Variants in PKIB observed in about 807,000 individuals in gnomAD.
PKIB encodes PKI-beta.
In PKIB, 2 loss-of-function variants were observed where a neutral mutation model predicts 4.5. The ratio of observed to expected loss-of-function variants is 0.44; its 90% CI spans 0.18 to 1.39. The LOEUF (loss-of-function observed/expected upper bound fraction) is 1.39, where lower values mean the gene tolerates loss of function less well. Ranked by LOEUF, PKIB falls within the 40% of genes most tolerant of loss-of-function variation. The pLI is 0.27. For missense variants in PKIB, 94 were observed against 92.6 expected (o/e 1.02, Z -0.06); for synonymous variants, 38 against 36.0 (o/e 1.06, Z -0.20).
chr6:122,520,661 T>TTCTCTC (rs1562237597), intron 2 of PKIB, among the ~76,000 whole-genome samples: 1 of 55,540 alleles, frequency 1.8e-5, no homozygotes, highest in Non-Finnish European at 3.8e-5. Context: ...AAGTTTATGT[T>TTCTCTC]CCCACCCCCC....
chr6:122,601,433 C>T (rs1018998524), intron 3 of PKIB, among the ~76,000 whole-genome samples: 1 of 152,110 alleles, frequency 6.6e-6, no homozygotes, highest in African/African-American at 2.4e-5. Flanking sequence ...GGAAAAATAA[C>T]CTCTCACCCT....
chr6:122,668,986 G>A (rs546886670), intron 2 of PKIB, among the ~76,000 whole-genome samples: 19 of 152,254 alleles, frequency 1.2e-4, no homozygotes, highest in Admixed American at 2.6e-4. Context: ...AGACTAAGGT[G>A]GGAGGATTGC....
intron 2 of PKIB, among the ~76,000 whole-genome samples, chr6:122,541,678 G>A (rs1213610837): frequency 2.0e-5 from 3 of 151,632 alleles, no homozygotes; most frequent in African/African-American, 4.9e-5. Context: ...TGCTCTTCTC[G>A]AGGAGTATCT....
intron 2 of PKIB, among the ~76,000 whole-genome samples, chr6:122,536,491 C>A (rs937061787): frequency 1.3e-5 from 2 of 152,028 alleles, no homozygotes; most frequent in African/African-American, 4.8e-5. Context: ...TGAAGGATGC[C>A]AAGGAAAATA....
At chr6:122,473,104 C>G (rs542990298) in intron 1 of PKIB, among the ~76,000 whole-genome samples, 9 of 151,996 alleles carry the variant, frequency 5.9e-5, no homozygotes, top group African/African-American at 1.9e-4. Flanking sequence ...GAGCGAGACT[C>G]CGTCTCAAAA....
chr6:122,541,910 C>T (rs1313950194), intron 2 of PKIB, among the ~76,000 whole-genome samples: 1 of 151,924 alleles, frequency 6.6e-6, no homozygotes, highest in Non-Finnish European at 1.5e-5. Context: ...CTAAACTTCC[C>T]TTCTTGCTTC....
intron 2 of PKIB, among the ~76,000 whole-genome samples, chr6:122,656,014 T>C (rs1776764936): frequency 6.6e-6 from 1 of 152,184 alleles, no homozygotes; most frequent in Non-Finnish European, 1.5e-5. Context: ...CTCCCCTTGA[T>C]AATAATTTAT....
intron 2 of PKIB, among the ~76,000 whole-genome samples, chr6:122,652,007 T>A (rs968420244): frequency 6.6e-6 from 1 of 152,196 alleles, no homozygotes; most frequent in African/African-American, 2.4e-5. Flanking sequence ...TGCCATAGAC[T>A]ACCAGTACCC....
intron 2 of PKIB, among the ~76,000 whole-genome samples, chr6:122,669,566 T>C (rs1171098655): frequency 2.0e-5 from 3 of 152,218 alleles, no homozygotes; most frequent in African/African-American, 7.2e-5. Context: ...TCTTAGATTC[T>C]ATTAATTTTC....
intron 2 of PKIB, among the ~76,000 whole-genome samples, chr6:122,489,826 G>A (rs558287909): frequency 1.3e-5 from 2 of 152,136 alleles, no homozygotes; most frequent in East Asian, 3.9e-4. Context: ...TTGTACTAAC[G>A]GTCACAAAAA....
rs1777620283 is a variant in PKIB, at chr6:122,675,096, A to T, written c.-57A>T. On this transcript the variant is annotated 5_prime_UTR_variant, in exon 3 of 5. Transcript: ENST00000368452. ...TTTGCAGGAAAGAAAGTTTATCAGA[A>T]TTTTTTAAACCTGTCTCAGAAATAA... The T allele has an allele frequency of 6.6e-6, 1 of 152,508 alleles. No individual in the cohort carries two copies. Among genetic ancestry groups the T allele is most frequent in the Non-Finnish European group, 1.5e-5 (1 of 68,012 alleles). 9.4% of individuals were successfully genotyped at this position (152,508 alleles called of 1,614,324 possible).
At chr6:122,515,310 A>G (rs1040218826) in intron 2 of PKIB, among the ~76,000 whole-genome samples, 1 of 152,236 alleles carries the variant, frequency 6.6e-6, no homozygotes, top group Admixed American at 6.5e-5. Flanking sequence ...CTCAATAAAT[A>G]TTAAACATTA....
chr6:122,472,333 T>G (rs1458872330), intron 1 of PKIB, among the ~76,000 whole-genome samples: 2 of 152,262 alleles, frequency 1.3e-5, no homozygotes, highest in African/African-American at 4.8e-5. Context: ...TCAGTTTCTC[T>G]GTATCATTTC....
intron 3 of PKIB, among the ~76,000 whole-genome samples, chr6:122,680,745 T>C (rs1430872512): frequency 6.6e-6 from 1 of 152,174 alleles, no homozygotes; most frequent in Non-Finnish European, 1.5e-5. Flanking sequence ...CATCCCTCAG[T>C]TGAAATACTG....
intron 2 of PKIB, among the ~76,000 whole-genome samples, chr6:122,494,420 G>A (rs1776022232): frequency 2.0e-5 from 3 of 152,124 alleles, no homozygotes; most frequent in Admixed American, 6.5e-5. Flanking sequence ...TGTTTTTGTT[G>A]TCACAGTAAC....
At chr6:122,682,826 G>T (rs947754420) in intron 3 of PKIB, among the ~76,000 whole-genome samples, 1 of 152,154 alleles carries the variant, frequency 6.6e-6, no homozygotes, top group African/African-American at 2.4e-5. Flanking sequence ...ACTGTCCAAA[G>T]CAAAGACATC....
intron 3 of PKIB, among the ~76,000 whole-genome samples, chr6:122,699,590 AC>A (rs1319476801): frequency 6.6e-6 from 1 of 152,008 alleles, no homozygotes; most frequent in Non-Finnish European, 1.5e-5. Context: ...GGGGATAATA[AC>A]CCCTGCACTC....
Position 122,513,617 on chromosome 6 carries a change from G to A in PKIB, c.-248+35678G>A, listed in dbSNP as rs138718732. On this transcript the variant is annotated intron_variant, in intron 2 of 6. Coordinates refer to the PKIB transcript ENST00000392491. ...TACCCAAAGGGTTGTTTTTCACCCCGTGGGCTTCTCCTTCCCTCCCCTGTC... is the reference window on the plus strand; with the variant it reads ...TACCCAAAGGGTTGTTTTTCACCCCATGGGCTTCTCCTTCCCTCCCCTGTC... Among the ~76,000 whole-genome samples, 1,257 of 152,090 alleles carry A rather than the reference G, an allele frequency of 8.3e-3. 18 individuals carry two copies. The highest frequency in any genetic ancestry group is 0.028 in the African/African-American group (1,160 of 41,462).
chr6:122,628,944 A>G (rs1381696726), intron 1 of PKIB, among the ~76,000 whole-genome samples: 2 of 152,180 alleles, frequency 1.3e-5, no homozygotes, highest in African/African-American at 4.8e-5. Flanking sequence ...AGCTGATTCC[A>G]TGGGGAACTC....
Sources: allele counts gnomAD v4.1 joint callset (sites outside exome capture counted in the v4.1 genomes callset), GRCh38; gene constraint gnomAD v4.1.1; transcripts MANE v1.5; gene names NCBI Gene and HGNC (gene_info 2026-07-23, HGNC 2026-07-21).